Variants in KLHL26 observed in about 807,000 individuals in gnomAD.
The protein encoded by KLHL26 is kelch like family member 26, also known as kelch-like protein 26.
A neutral mutation model predicts 7.1 loss-of-function variants in KLHL26; 4 were observed. The ratio of observed to expected loss-of-function variants is 0.56; its 90% CI spans 0.28 to 1.28. KLHL26 has a LOEUF of 1.28. Among genes scored for constraint, KLHL26 ranks in the 50% most tolerant of loss-of-function variants. The pLI, the probability that KLHL26 is intolerant of heterozygous loss-of-function variation, is 0.11. For synonymous variants in KLHL26, 465 were observed against 414.1 expected, an observed-to-expected ratio of 1.12 and a Z score of -1.49; for missense variants, 896 against 924.6, an observed-to-expected ratio of 0.97 and a Z score of 0.40.
chr19:18,652,355 C>T (rs945045582), intron 1 of KLHL26, among the ~76,000 whole-genome samples: 2 of 151,722 alleles, frequency 1.3e-5, no homozygotes, highest in East Asian at 3.9e-4. Context: ...TTTGGGAGGC[C>T]GAGGCGGGCA....
At chr19:18,655,147 C>G (rs1209025484) in intron 1 of KLHL26, among the ~76,000 whole-genome samples, 1 of 152,178 alleles carries the variant, frequency 6.6e-6, no homozygotes, top group Non-Finnish European at 1.5e-5. Context: ...ACCTGGCAGG[C>G]ACCGCCCCTT....
At chr19:18,663,186 G>T (rs1483733808) in intron 1 of KLHL26, among the ~76,000 whole-genome samples, 18 of 152,264 alleles carry the variant, frequency 1.2e-4, no homozygotes, top group Admixed American at 1.0e-3. Flanking sequence ...AGGACATGCA[G>T]TGCCTCGCAG....
At chr19:18,662,889 T>C (rs895369685) in intron 1 of KLHL26, among the ~76,000 whole-genome samples, 1 of 151,868 alleles carries the variant, frequency 6.6e-6, no homozygotes, top group African/African-American at 2.4e-5. Flanking sequence ...AAGCGTCCCT[T>C]CCACTTGGCA....
chr19:18,658,003 G>A (rs1198958851), intron 1 of KLHL26, among the ~76,000 whole-genome samples: 3 of 152,094 alleles, frequency 2.0e-5, no homozygotes, highest in Non-Finnish European at 4.4e-5. Context: ...CAACAGTACT[G>A]GGGGAGCTGC....
chr19:18,640,320 T>C (rs962413792), intron 1 of KLHL26, among the ~76,000 whole-genome samples: 1 of 151,880 alleles, frequency 6.6e-6, no homozygotes, highest in Non-Finnish European at 1.5e-5. Context: ...CTGTAGCCTC[T>C]ACCTCCTTGG....
At chr19:18,658,743 GTC>G (rs1221297994) in intron 1 of KLHL26, among the ~76,000 whole-genome samples, 3 of 148,854 alleles carry the variant, frequency 2.0e-5, no homozygotes, top group Admixed American at 6.7e-5. Context: ...CTCTCTCTGG[GTC>G]TCTGTCTCCC....
At chr19:18,642,117 A>G (rs1976722769) in intron 1 of KLHL26, among the ~76,000 whole-genome samples, 1 of 152,168 alleles carries the variant, frequency 6.6e-6, no homozygotes, top group South Asian at 2.1e-4. Context: ...ATTCTCCCAA[A>G]AGTCATTTTG....
In KLHL26 at chr19:18,668,802, G is replaced by A. The variant is rs747550196; in HGVS notation, c.1405G>A (p.Gly469Arg). 2 of 1,596,024 alleles carry A rather than the reference G, an allele frequency of 1.3e-6. No homozygotes were observed. Among genetic ancestry groups the A allele is most frequent in the South Asian group, 1.1e-5 (1 of 90,508 alleles). Residue 469 changes from glycine (G) to arginine (R), a missense_variant, in exon 3 of 3, where the codon GGG (glycine) becomes AGG (arginine). Gly to Arg is a moderately radical substitution (Grantham distance 125, BLOSUM62 -2). Transcript: ENST00000300976. The stretch of plus-strand genomic sequence containing the variant: ...CCGCCTCTACATCTCGGGTGGCTAC[G>A]GGATCTCAGTGGAGGACAAGAAGGC... ...GGRLYISGGYGISVEDKKALH... is the reference protein window; with the variant it reads ...GGRLYISGGYRISVEDKKALH...
At position 18,637,120 on chromosome 19, in the gene KLHL26, C is replaced by T; in HGVS notation, c.66C>T (p.Gly22=). Residue 22 remains glycine (G), a synonymous_variant, in exon 1 of 3, where the codon GGC becomes GGT. Transcript: ENST00000300976. ...GCGGCGCTTTCGGCGCGGGCCCGGGCCCCGAGCGCCCGAACAGGTGAGACC... is the reference window on the plus strand; with the variant it reads ...GCGGCGCTTTCGGCGCGGGCCCGGGTCCCGAGCGCCCGAACAGGTGAGACC... ...GGGGAFGAGP[G]PERPNSTADK... 7.4e-7 allele frequency: 1 copy of T among 1,355,886 alleles called. No individual in the cohort carries two copies. 84.0% of individuals were successfully genotyped at this position (1,355,886 alleles called of 1,614,324 possible).
At chr19:18,644,273 T>G (rs1976763906) in intron 1 of KLHL26, among the ~76,000 whole-genome samples, 1 of 152,252 alleles carries the variant, frequency 6.6e-6, no homozygotes, top group Admixed American at 6.5e-5. Context: ...TATTCCACTG[T>G]GTGGATGCAC....
chr19:18,661,027 C>T (rs1237441578), intron 1 of KLHL26, among the ~76,000 whole-genome samples: 1 of 152,162 alleles, frequency 6.6e-6, no homozygotes, highest in African/African-American at 2.4e-5. Context: ...AGTGTGTAGT[C>T]GTCACGTGCT....
At chr19:18,661,699 T>C in intron 1 of KLHL26, among the ~76,000 whole-genome samples, 1 of 152,208 alleles carries the variant, frequency 6.6e-6, no homozygotes, top group South Asian at 2.1e-4. Context: ...TTGGGTAAGT[T>C]TCAGAAATAG....
In KLHL26 at chr19:18,650,022, G is replaced by A. The variant is rs952978270; in HGVS notation, c.83+12885G>A. ...TGGGGGAATCACAGACCTTTCCTGC[G>A]AGGGCAAGGGCTTCCGGAATTGAAC... On this transcript the variant is annotated intron_variant, in intron 1 of 2. Transcript: ENST00000300976. The surrounding 1 kb of genome is among the most constrained non-coding windows in gnomAD (Gnocchi z 4.2). Among the ~76,000 whole-genome samples the A allele has an allele frequency of 1.3e-5, 2 of 152,240 alleles. No homozygotes were observed. Among genetic ancestry groups the A allele is most frequent in the Non-Finnish European group, 2.9e-5 (2 of 68,046 alleles).
At chr19:18,665,465 C>T (rs1226265581) in intron 2 of KLHL26, among the ~76,000 whole-genome samples, 1 of 152,260 alleles carries the variant, frequency 6.6e-6, no homozygotes, top group Non-Finnish European at 1.5e-5. Context: ...AGGGCATCCC[C>T]TCAGGACACC....
intron 1 of KLHL26, among the ~76,000 whole-genome samples, chr19:18,642,622 C>G (rs999769607): frequency 6.6e-6 from 1 of 151,966 alleles, no homozygotes; most frequent in Non-Finnish European, 1.5e-5. Flanking sequence ...CCTGGGCCTC[C>G]CAAAGTGCTG....
intron 1 of KLHL26, among the ~76,000 whole-genome samples, chr19:18,655,219 C>T (rs1419699602): frequency 6.6e-6 from 1 of 152,250 alleles, no homozygotes; most frequent in Non-Finnish European, 1.5e-5. Context: ...GGTAAATCCA[C>T]ATTCTTGCCT....
intron 1 of KLHL26, among the ~76,000 whole-genome samples, chr19:18,651,595 G>A (rs1481422110): frequency 6.6e-6 from 1 of 152,262 alleles, no homozygotes; most frequent in Non-Finnish European, 1.5e-5. Context: ...GGAAGGTGCT[G>A]GGCTAAGCTG....
chr19:18,664,091 C>T (rs1301383564), intron 1 of KLHL26, among the ~76,000 whole-genome samples, 170 bp from the exon 2 acceptor site: 1 of 151,864 alleles, frequency 6.6e-6, no homozygotes, highest in African/African-American at 2.4e-5. Context: ...CTTGGTGGCA[C>T]CCATCTGCTT....
chr19:18,661,463 A>T (rs1270775195), intron 1 of KLHL26, among the ~76,000 whole-genome samples: 2 of 152,068 alleles, frequency 1.3e-5, no homozygotes, highest in East Asian at 3.9e-4. Context: ...GGGCAGATGC[A>T]TATGTGTGGC....
Sources: allele counts gnomAD v4.1 joint callset (sites outside exome capture counted in the v4.1 genomes callset), GRCh38; gene constraint gnomAD v4.1.1; non-coding constraint Gnocchi (gnomAD v3.1); transcripts MANE v1.5; gene names NCBI Gene and HGNC (gene_info 2026-07-23, HGNC 2026-07-21).